Variants in MGAT4C observed in about 807,000 individuals in gnomAD.
MGAT4C encodes the protein MGAT4 family member C.
Under a neutral mutation model 40.1 loss-of-function variants are expected in MGAT4C, and 19 were observed. The ratio of observed to expected loss-of-function variants is 0.47; its 90% CI spans 0.33 to 0.70. The LOEUF (loss-of-function observed/expected upper bound fraction) is 0.70. MGAT4C is among the 30% of genes least tolerant of loss of function. MGAT4C has a pLI of 0.02. For synonymous variants in MGAT4C, 181 were observed against 187.1 expected, an observed-to-expected ratio of 0.97 and a Z score of 0.27; for missense variants, 491 against 563.2, an observed-to-expected ratio of 0.87 and a Z score of 1.30.
At chr12:86,512,624 A>C (rs2136349925) in intron 2 of MGAT4C, among the ~76,000 whole-genome samples, 1 of 152,282 alleles carries the variant, frequency 6.6e-6, no homozygotes, top group Non-Finnish European at 1.5e-5. Context: ...ATTCTGCAAT[A>C]TGCCAAAACA....
At chr12:86,424,055 T>C (rs1305404365) in intron 3 of MGAT4C, among the ~76,000 whole-genome samples, 1 of 152,156 alleles carries the variant, frequency 6.6e-6, no homozygotes, top group Non-Finnish European at 1.5e-5. Flanking sequence ...TGTGTAAGGA[T>C]GAAAGAATGC....
intron 1 of MGAT4C, among the ~76,000 whole-genome samples, chr12:86,087,834 C>T (rs942638267): frequency 5.3e-5 from 8 of 151,788 alleles, no homozygotes; most frequent in African/African-American, 1.2e-4. Flanking sequence ...ATTGCTATTC[C>T]TATCAAACTA....
chr12:85,995,051 T>G (rs2136746475), intron 2 of MGAT4C, among the ~76,000 whole-genome samples: 1 of 152,356 alleles, frequency 6.6e-6, no homozygotes, highest in Admixed American at 6.5e-5. Context: ...ATTAACATTT[T>G]TACCCAGCAT....
At position 86,055,168 on chromosome 12, in the gene MGAT4C, T is replaced by C. The variant is rs527839088; in HGVS notation, c.-56-5445A>G. Among the ~76,000 whole-genome samples, 17 of 152,144 alleles carry C rather than the reference T, an allele frequency of 1.1e-4. No homozygotes were observed. The South Asian group carries it at 3.5e-3, about 31-fold the overall frequency. On this transcript the variant is annotated intron_variant, in intron 1 of 4. Coordinates refer to ENST00000611864, the MANE Select transcript of MGAT4C (RefSeq NM_001351288.2). Reference sequence around the variant, plus strand: ...TTTATCAGTAGCTTCCAACATGTTCTAACATCATAAGCCTCAACAAGGCTT... The same window carrying C: ...TTTATCAGTAGCTTCCAACATGTTCCAACATCATAAGCCTCAACAAGGCTT...
At chr12:86,109,577 A>G (rs1026709156) in intron 1 of MGAT4C, among the ~76,000 whole-genome samples, 3 of 152,058 alleles carry the variant, frequency 2.0e-5, no homozygotes, top group South Asian at 4.1e-4. Context: ...CATAATTATC[A>G]CTATTATTCT....
chr12:86,765,961 A>G (rs1438552832), intron 1 of MGAT4C, among the ~76,000 whole-genome samples: 1 of 152,210 alleles, frequency 6.6e-6, no homozygotes, highest in Non-Finnish European at 1.5e-5. Flanking sequence ...TGCATCAACT[A>G]ATGAGTAAAA....
chr12:86,146,643 T>C (rs1174317335), intron 1 of MGAT4C, among the ~76,000 whole-genome samples: 2 of 151,984 alleles, frequency 1.3e-5, no homozygotes, highest in Non-Finnish European at 2.9e-5. Flanking sequence ...TTTTTGAGAT[T>C]TTCCTATTTC....
chr12:86,494,574 A>T (rs181395141), intron 2 of MGAT4C, among the ~76,000 whole-genome samples: 1 of 151,844 alleles, frequency 6.6e-6, no homozygotes, highest in African/African-American at 2.4e-5. Flanking sequence ...CATGATAGAA[A>T]GCATTGTATA....
chr12:86,259,004 T>C (rs1493413), upstream of MGAT4C, among the ~76,000 whole-genome samples: 128,986 of 151,834 alleles, frequency 0.85, 54,860 homozygotes, highest in East Asian at 0.95. Context: ...ATAATTACAT[T>C]TATACACTCA....
rs529113182 is a variant in MGAT4C at position 86,476,147 on chromosome 12, T to C, written c.-228-40882A>G. On this transcript the variant is annotated intron_variant, in intron 2 of 7. Coordinates refer to the MGAT4C transcript ENST00000548651. Reference sequence around the variant, plus strand: ...AATATGATGCAATATTCTTTATACATTACGTAAAAATGTAGACCAAGGGTA... The same window carrying C: ...AATATGATGCAATATTCTTTATACACTACGTAAAAATGTAGACCAAGGGTA... Among the ~76,000 whole-genome samples, 13 of 152,214 alleles carry C rather than the reference T, an allele frequency of 8.5e-5. No homozygotes were observed. The East Asian group carries it at 2.5e-3, about 29-fold the overall frequency.
At chr12:86,460,742 T>C (rs760914348) in intron 2 of MGAT4C, among the ~76,000 whole-genome samples, 1 of 152,082 alleles carries the variant, frequency 6.6e-6, no homozygotes, top group Non-Finnish European at 1.5e-5. Flanking sequence ...TTTTCTTCCC[T>C]GAGAAATGTT....
intron 4 of MGAT4C, among the ~76,000 whole-genome samples, chr12:86,279,111 CT>C (rs1953150054): frequency 6.6e-6 from 1 of 151,706 alleles, no homozygotes; most frequent in African/African-American, 2.4e-5. Flanking sequence ...TATTTCTTTT[CT>C]TTTCTATTTT....
intron 2 of MGAT4C, among the ~76,000 whole-genome samples, chr12:86,714,664 T>C (rs1334734595): frequency 6.6e-6 from 1 of 151,928 alleles, no homozygotes; most frequent in East Asian, 1.9e-4. Flanking sequence ...GAACTGTGAG[T>C]CCATTAAACC....
At chr12:86,654,714 C>T (rs1325002019) in intron 2 of MGAT4C, among the ~76,000 whole-genome samples, 1 of 147,748 alleles carries the variant, frequency 6.8e-6, no homozygotes, top group Non-Finnish European at 1.5e-5. Flanking sequence ...CCTTCTTTTC[C>T]CTGTACCTTT....
intron 4 of MGAT4C, among the ~76,000 whole-genome samples, chr12:86,313,665 AG>A (rs1350959031): frequency 6.6e-6 from 1 of 152,234 alleles, no homozygotes; most frequent in African/African-American, 2.4e-5. Flanking sequence ...AATAGAAAAC[AG>A]TTGTTTTTCT....
At chr12:86,581,802 G>C (rs1960789486) in intron 2 of MGAT4C, among the ~76,000 whole-genome samples, 1 of 151,500 alleles carries the variant, frequency 6.6e-6, no homozygotes, top group Admixed American at 6.6e-5. Flanking sequence ...TCTTCTGATA[G>C]TGAAAATACA....
chr12:86,208,638 C>T (rs1566148276), intron 1 of MGAT4C, among the ~76,000 whole-genome samples: 1 of 152,086 alleles, frequency 6.6e-6, no homozygotes, highest in Non-Finnish European at 1.5e-5. Context: ...GATCTCTTTT[C>T]TCTATTGCAG....
intron 2 of MGAT4C, among the ~76,000 whole-genome samples, chr12:86,489,034 T>C (rs969930310): frequency 2.0e-5 from 3 of 152,126 alleles, no homozygotes; most frequent in African/African-American, 7.2e-5. Flanking sequence ...GCTCTCTGAA[T>C]AACATCTTTT....
intron 2 of MGAT4C, among the ~76,000 whole-genome samples, chr12:86,604,845 G>A (rs897551479): frequency 9.9e-5 from 15 of 152,050 alleles, no homozygotes; most frequent in Non-Finnish European, 1.8e-4. Context: ...CAAGAAAAAA[G>A]CTTCGGTTCT....
Sources: gnomAD v4.1 joint callset for allele counts (sites outside exome capture counted in the v4.1 genomes callset) on GRCh38, gnomAD v4.1.1 for gene constraint, MANE v1.5 for transcripts, NCBI Gene and HGNC (gene_info 2026-07-23, HGNC 2026-07-21) for gene names.